Variants in PDE3B observed in about 807,000 individuals in gnomAD.
PDE3B encodes the protein phosphodiesterase 3B.
In PDE3B, 66 loss-of-function variants were observed where a neutral mutation model predicts 116.8. The ratio of observed to expected loss-of-function variants is 0.56; its 90% CI spans 0.46 to 0.69. The LOEUF is 0.69. Among genes scored for constraint, PDE3B ranks in the 30% least tolerant of loss-of-function variants. The pLI, the probability that PDE3B is intolerant of heterozygous loss-of-function variation, is 0.00. For missense variants in PDE3B, 1,384 were observed against 1,368.1 expected (o/e 1.01, Z -0.18); for synonymous variants, 595 against 533.6 (o/e 1.12, Z -1.59).
At chr11:14,851,554 A>G (rs1217181402) in intron 12 of PDE3B, among the ~76,000 whole-genome samples, 2 of 151,618 alleles carry the variant, frequency 1.3e-5, no homozygotes, top group Non-Finnish European at 2.9e-5. Context: ...TAAAAGGGCC[A>G]TGTGATTCAT....
chr11:14,762,610 A>C (rs576000132), intron 1 of PDE3B, among the ~76,000 whole-genome samples: 8 of 152,312 alleles, frequency 5.3e-5, no homozygotes, highest in African/African-American at 1.9e-4. Flanking sequence ...TATGTGACTT[A>C]AGCTTTAAGA....
At chr11:14,669,322 T>G (rs1854290509) in intron 1 of PDE3B, among the ~76,000 whole-genome samples, 2 of 152,170 alleles carry the variant, frequency 1.3e-5, no homozygotes, top group East Asian at 3.9e-4. Flanking sequence ...TCTTCTGCTC[T>G]TGTATTCCAT....
At chr11:14,853,533 C>G (rs1555005617) in intron 12 of PDE3B, among the ~76,000 whole-genome samples, 1 of 152,278 alleles carries the variant, frequency 6.6e-6, no homozygotes. Context: ...TTGTAAAAAT[C>G]TAGGGCTTAA....
At chr11:14,664,732 C>G (rs555204310) in intron 1 of PDE3B, among the ~76,000 whole-genome samples, 14 of 152,296 alleles carry the variant, frequency 9.2e-5, no homozygotes, top group Middle Eastern at 3.4e-3. Context: ...AGTTGACTCT[C>G]TGAATAGACC....
At chr11:14,850,974 C>G (rs1344200749) in intron 12 of PDE3B, among the ~76,000 whole-genome samples, 3 of 150,904 alleles carry the variant, frequency 2.0e-5, no homozygotes, top group African/African-American at 7.3e-5. Flanking sequence ...GACTACCACA[C>G]CCAGCTATTT....
intron 1 of PDE3B, among the ~76,000 whole-genome samples, chr11:14,755,466 G>A (rs1857159856): frequency 6.6e-6 from 1 of 152,126 alleles, no homozygotes; most frequent in Non-Finnish European, 1.5e-5. Context: ...TGTAAGTGAG[G>A]AATATACTTA....
the PDE3B span, chr11:14,890,327 A>T: frequency 3.7e-6 from 1 of 271,530 alleles, no homozygotes; most frequent in Non-Finnish European, 5.6e-6. Flanking sequence ...GATGCTGTGT[A>T]CCAAGATACC....
At chr11:14,686,497 T>C (rs1039772618) in intron 1 of PDE3B, among the ~76,000 whole-genome samples, 2 of 152,180 alleles carry the variant, frequency 1.3e-5, no homozygotes, top group African/African-American at 4.8e-5. Context: ...GAGGAAAGTT[T>C]TTCCTTTGGG....
At chr11:14,898,825 C>CT in the PDE3B span, among the ~76,000 whole-genome samples, 25 of 148,150 alleles carry the variant, frequency 1.7e-4, no homozygotes, top group African/African-American at 4.7e-4. Flanking sequence ...TTGCTTGCTT[C>CT]TTTTTTTTTT....
intron 1 of PDE3B, among the ~76,000 whole-genome samples, chr11:14,766,000 G>A (rs934884155): frequency 2.0e-5 from 3 of 151,426 alleles, no homozygotes; most frequent in African/African-American, 7.3e-5. Flanking sequence ...AGGAATGAGT[G>A]CTTGAACCAG....
chr11:14,802,714 CA>C (rs908927974), intron 4 of PDE3B, among the ~76,000 whole-genome samples: 1 of 152,146 alleles, frequency 6.6e-6, no homozygotes, highest in African/African-American at 2.4e-5. Flanking sequence ...ATGAAATAAT[CA>C]AAAGGATAAG....
intron 2 of PDE3B, among the ~76,000 whole-genome samples, chr11:14,778,275 T>A (rs1167447712): frequency 6.6e-6 from 1 of 152,130 alleles, no homozygotes; most frequent in Non-Finnish European, 1.5e-5. Flanking sequence ...CAAAAACTTC[T>A]GCAGACTTAA....
chr11:14,735,473 G>T (rs1378471077), intron 1 of PDE3B, among the ~76,000 whole-genome samples: 1 of 152,030 alleles, frequency 6.6e-6, no homozygotes, highest in African/African-American at 2.4e-5. Flanking sequence ...TACAATTTCT[G>T]GTGAAAACTA....
chr11:14,835,093 C>G lies in PDE3B; in HGVS notation c.2318C>G (p.Thr773Arg). ...AATGGTTGTGGAACAGGAAATGAAACAGGTACTTCCTTCTACAAATCTCTT... is the reference window on the plus strand; with the variant it reads ...AATGGTTGTGGAACAGGAAATGAAAGAGGTACTTCCTTCTACAAATCTCTT... ...IHNGCGTGNETDSDGRINHGR... is the reference protein window; with the variant it reads ...IHNGCGTGNERDSDGRINHGR... The change falls in exon 11 of 16, where the codon ACA becomes AGA. Residue 773 changes from threonine to arginine, a missense_variant and splice_region_variant. Thr to Arg is a moderately conservative substitution (Grantham distance 71). Around this residue, in one of 2 missense-constraint regions of PDE3B, gnomAD observed 428 missense variants for 561.4 expected, o/e 0.76. Transcript: ENST00000282096. The G allele has an allele frequency of 6.4e-7, 1 of 1,564,086 alleles. No individual in the cohort carries two copies. The highest frequency in any genetic ancestry group is 8.8e-7 in the Non-Finnish European group (1 of 1,139,490).
chr11:14,690,145 A>G (rs1334997326), intron 1 of PDE3B, among the ~76,000 whole-genome samples: 1 of 152,218 alleles, frequency 6.6e-6, no homozygotes. Context: ...GACGTGTCCT[A>G]TAATGCATCA....
chr11:14,894,942 G>A, the PDE3B span, among the ~76,000 whole-genome samples: 12 of 152,310 alleles, frequency 7.9e-5, no homozygotes, highest in East Asian at 1.5e-3. Context: ...TTCAGTACTC[G>A]GGGTGGAATG....
intron 9 of PDE3B, among the ~76,000 whole-genome samples, chr11:14,832,223 C>T (rs1004206409): frequency 2.0e-5 from 3 of 152,134 alleles, no homozygotes; most frequent in Non-Finnish European, 2.9e-5. Flanking sequence ...CCTGATGGGT[C>T]CGCATAACAG....
the PDE3B span, among the ~76,000 whole-genome samples, chr11:14,879,969 G>T: frequency 1.3e-5 from 2 of 151,928 alleles, no homozygotes; most frequent in Non-Finnish European, 2.9e-5. Context: ...TACATGAATT[G>T]AGATAATAGA....
chr11:14,894,964 T>A, the PDE3B span, among the ~76,000 whole-genome samples: 1 of 152,216 alleles, frequency 6.6e-6, no homozygotes, highest in Admixed American at 6.5e-5. Flanking sequence ...GTGAACACAC[T>A]GTATAGGGCT....
Sources: gnomAD v4.1 joint callset for allele counts (sites outside exome capture counted in the v4.1 genomes callset) on GRCh38, gnomAD v4.1.1 for gene constraint, gnomAD v4.1.1 regional missense constraint, MANE v1.5 for transcripts, NCBI Gene and HGNC (gene_info 2026-07-23, HGNC 2026-07-21) for gene names.